Variants in CAST observed in about 807,000 individuals in gnomAD.
CAST encodes the protein MIR583 host.
CAST carries 76 observed loss-of-function variants against 119.6 expected under a neutral mutation model. The observed-to-expected ratio is 0.64, with a 90% CI of 0.53 to 0.77. The LOEUF is 0.77. CAST is among the 30% of genes least tolerant of loss of function. The pLI is 0.00. For missense variants in CAST, 953 were observed against 946.5 expected, an observed-to-expected ratio of 1.01 and a Z score of -0.09; for synonymous variants, 319 against 331.6, an observed-to-expected ratio of 0.96 and a Z score of 0.41.
At chr5:96,384,454 C>T in the CAST span, among the ~76,000 whole-genome samples, 1 of 152,194 alleles carries the variant, frequency 6.6e-6, no homozygotes, top group South Asian at 2.1e-4. Context: ...TATGGACATA[C>T]GTGACTGGGT....
chr5:96,676,820 C>T (rs182473229), intron 2 of CAST, among the ~76,000 whole-genome samples: 410 of 151,598 alleles, frequency 2.7e-3, no homozygotes, highest in Non-Finnish European at 4.3e-3. Context: ...TTTGGGAGGC[C>T]GAGGTGGGTG....
the CAST span, among the ~76,000 whole-genome samples, chr5:96,157,173 C>T: frequency 6.6e-6 from 1 of 152,122 alleles, no homozygotes; most frequent in East Asian, 1.9e-4. Flanking sequence ...TAATACAGCC[C>T]TTTGATTAAT....
chr5:96,534,737 G>GAGAGAGAGAGAGAGAGAA (rs1561408818), intron 1 of CAST, among the ~76,000 whole-genome samples: 2 of 14,200 alleles, frequency 1.4e-4, no homozygotes, highest in Non-Finnish European at 3.1e-4. Context: ...GAGAGAGAGA[G>GAGAGAGAGAGAGAGAGAA]AGAGAAAGAA....
chr5:96,748,457 C>CTT, intron 18 of CAST, 61 bp from the exon 19 acceptor site: 4 of 834,244 alleles, frequency 4.8e-6, no homozygotes, highest in South Asian at 3.9e-5. Flanking sequence ...TCCATGAAAA[C>CTT]TTTTTTTTTA....
intron 1 of CAST, among the ~76,000 whole-genome samples, chr5:96,566,236 C>G (rs1174772243): frequency 6.6e-6 from 1 of 152,214 alleles, no homozygotes; most frequent in Non-Finnish European, 1.5e-5. Context: ...ACGTGAATTT[C>G]TGTGTGCAAA....
At chr5:96,075,428 A>G in the CAST span, among the ~76,000 whole-genome samples, 3 of 152,208 alleles carry the variant, frequency 2.0e-5, no homozygotes, top group African/African-American at 4.8e-5. Context: ...CTTGTCTTAC[A>G]GATGAGGAAA....
chr5:96,344,934 A>AG, the CAST span, among the ~76,000 whole-genome samples: 1 of 152,206 alleles, frequency 6.6e-6, no homozygotes, highest in Non-Finnish European at 1.5e-5. Context: ...TGTAGACACA[A>AG]GGGGTCAGCA....
the CAST span, among the ~76,000 whole-genome samples, chr5:96,118,561 G>C: frequency 6.6e-6 from 1 of 151,252 alleles, no homozygotes; most frequent in Admixed American, 6.6e-5. Flanking sequence ...TTACATAAAT[G>C]TCTACTGACT....
chr5:96,150,485 C>G, the CAST span, among the ~76,000 whole-genome samples: 3 of 152,172 alleles, frequency 2.0e-5, no homozygotes, highest in Admixed American at 1.3e-4. Context: ...GGGAACCACT[C>G]AGAGAGAACG....
the CAST span, among the ~76,000 whole-genome samples, chr5:96,230,828 A>G: frequency 2.0e-5 from 3 of 152,206 alleles, no homozygotes; most frequent in Non-Finnish European, 4.4e-5. Context: ...AAAGGGGCAG[A>G]TGATAAGAAT....
chr5:96,276,377 A>C, the CAST span, among the ~76,000 whole-genome samples: 2 of 152,224 alleles, frequency 1.3e-5, no homozygotes, highest in African/African-American at 4.8e-5. Context: ...TAAGTCTTTA[A>C]ACTTTTTTAA....
At chr5:96,377,096 A>G in the CAST span, among the ~76,000 whole-genome samples, 4 of 152,106 alleles carry the variant, frequency 2.6e-5, no homozygotes, top group African/African-American at 4.8e-5. Flanking sequence ...ACAGCTGTAC[A>G]ATGTATGTTT....
At chr5:96,275,829 G>A in the CAST span, among the ~76,000 whole-genome samples, 2 of 152,196 alleles carry the variant, frequency 1.3e-5, no homozygotes, top group Non-Finnish European at 2.9e-5. Context: ...AGTGGAGAGA[G>A]GATAGAGCCT....
chr5:96,494,070 C>T, the CAST span, among the ~76,000 whole-genome samples: 23 of 152,210 alleles, frequency 1.5e-4, no homozygotes, highest in Middle Eastern at 0.014. Context: ...AATAAATAAA[C>T]TTATTCTAAT....
intron 2 of CAST, among the ~76,000 whole-genome samples, chr5:96,686,204 TTAGAC>T (rs1752065719): frequency 2.0e-5 from 3 of 152,144 alleles, no homozygotes; most frequent in Admixed American, 6.6e-5. Flanking sequence ...TGACTCCTCT[TTAGAC>T]TACATATTAG....
the CAST span, among the ~76,000 whole-genome samples, chr5:96,484,767 C>A: frequency 6.6e-6 from 1 of 151,876 alleles, no homozygotes; most frequent in Admixed American, 6.6e-5. Flanking sequence ...GGGGGGCCAT[C>A]ATTAGCATGA....
the CAST span, among the ~76,000 whole-genome samples, chr5:96,479,738 G>A: frequency 1.3e-5 from 2 of 151,988 alleles, no homozygotes; most frequent in African/African-American, 2.4e-5. Context: ...GTGAGCCATG[G>A]CACCCGGCTG....
the CAST span, among the ~76,000 whole-genome samples, chr5:96,162,931 A>G: frequency 6.6e-6 from 1 of 152,154 alleles, no homozygotes; most frequent in African/African-American, 2.4e-5. Flanking sequence ...ATGAGTTAAG[A>G]AATGTTTATT....
the CAST span, among the ~76,000 whole-genome samples, chr5:96,457,920 A>G: frequency 1.3e-5 from 2 of 152,204 alleles, no homozygotes; most frequent in Non-Finnish European, 2.9e-5. Flanking sequence ...AACTCATTTC[A>G]TTCTTTTTAC....
Sources: gnomAD v4.1 joint callset for allele counts (sites outside exome capture counted in the v4.1 genomes callset) on GRCh38, gnomAD v4.1.1 for gene constraint, MANE v1.5 for transcripts, NCBI Gene and HGNC (gene_info 2026-07-23, HGNC 2026-07-21) for gene names.